Variants in CLSTN2 observed in about 807,000 individuals in gnomAD.
The protein encoded by CLSTN2 is calsyntenin-2.
Under a neutral mutation model 101.2 loss-of-function variants are expected in CLSTN2, and 48 were observed. The ratio of observed to expected loss-of-function variants is 0.47; its 90% confidence interval spans 0.38 to 0.60. CLSTN2 has a LOEUF of 0.60. CLSTN2 is among the 20% of genes least tolerant of loss of function. CLSTN2 has a pLI of 0.00. For missense variants in CLSTN2, 1,160 were observed against 1,238.2 expected (o/e 0.94, Z 0.95); for synonymous variants, 481 against 463.6 (o/e 1.04, Z -0.48).
At chr3:140,329,054 C>G (rs2087357491) in intron 2 of CLSTN2, among the ~76,000 whole-genome samples, 1 of 152,184 alleles carries the variant, frequency 6.6e-6, no homozygotes, top group Non-Finnish European at 1.5e-5. Flanking sequence ...CAGTTTTCCC[C>G]CATTCAGTTC....
chr3:140,162,474 G>C (rs1222058608), intron 1 of CLSTN2, among the ~76,000 whole-genome samples: 1 of 152,176 alleles, frequency 6.6e-6, no homozygotes, highest in South Asian at 2.1e-4. Flanking sequence ...GCCCCTGTCA[G>C]TGGTGCCTGA....
At chr3:140,517,883 T>A (rs1934950632) in intron 8 of CLSTN2, among the ~76,000 whole-genome samples, 1 of 152,050 alleles carries the variant, frequency 6.6e-6, no homozygotes, top group South Asian at 2.1e-4. Flanking sequence ...GCCATAGAGC[T>A]CCCAAGGGAT....
intron 2 of CLSTN2, among the ~76,000 whole-genome samples, chr3:140,326,724 CAA>C (rs1490763348): frequency 6.6e-6 from 1 of 152,070 alleles, no homozygotes; most frequent in Non-Finnish European, 1.5e-5. Flanking sequence ...ATGAAGGACC[CAA>C]GGAATAAAAG....
chr3:140,496,655 G>C (rs1934472687), intron 8 of CLSTN2, among the ~76,000 whole-genome samples: 1 of 152,160 alleles, frequency 6.6e-6, no homozygotes, highest in Non-Finnish European at 1.5e-5. Flanking sequence ...CTAGTTTATT[G>C]AGAGTTTTTA....
Position 140,425,070 on chromosome 3 carries a change from T to C in CLSTN2, c.787+3796T>C, listed in dbSNP as rs77350614. 6.1e-3 allele frequency among the ~76,000 whole-genome samples: 934 copies of C among 152,356 alleles called. 4 individuals are homozygous for C. The highest frequency in any genetic ancestry group is 9.2e-3 in the Non-Finnish European group (625 of 68,036). On this transcript the variant is annotated intron_variant, in intron 5 of 16. Transcript: ENST00000458420. ...CTGGAGTAACCAAGCAAATGCACTT[T>C]GGCAGTTTGAATTCTGGTACCTGTT...
chr3:140,458,846 G>T (rs1008960219), intron 6 of CLSTN2, among the ~76,000 whole-genome samples: 12 of 152,172 alleles, frequency 7.9e-5, no homozygotes, highest in Non-Finnish European at 1.2e-4. Flanking sequence ...CAACTTATTT[G>T]CTCATAGTCA....
chr3:139,959,136 G>T (rs1935458528), intron 1 of CLSTN2, among the ~76,000 whole-genome samples: 1 of 152,074 alleles, frequency 6.6e-6, no homozygotes, highest in South Asian at 2.1e-4. Flanking sequence ...TCTAGCTTCT[G>T]GCACACGTCT....
intron 1 of CLSTN2, among the ~76,000 whole-genome samples, chr3:140,051,372 TAAA>T (rs1489722985): frequency 6.6e-6 from 1 of 152,188 alleles, no homozygotes; most frequent in Admixed American, 6.5e-5. Flanking sequence ...TGGAGCCCAT[TAAA>T]ATCATTGCTG....
chr3:140,032,093 A>G (rs2007564389), intron 1 of CLSTN2, among the ~76,000 whole-genome samples: 1 of 152,190 alleles, frequency 6.6e-6, no homozygotes, highest in South Asian at 2.1e-4. Context: ...CCACAGACCA[A>G]AGGAAAGCGC....
chr3:140,284,267 A>G (rs769959549), intron 2 of CLSTN2, among the ~76,000 whole-genome samples: 8 of 152,072 alleles, frequency 5.3e-5, no homozygotes, highest in Non-Finnish European at 1.0e-4. Context: ...TACAAGAACA[A>G]ATTGGGTTTC....
chr3:140,422,017 A>T (rs1414315504), intron 5 of CLSTN2, among the ~76,000 whole-genome samples: 1 of 152,120 alleles, frequency 6.6e-6, no homozygotes, highest in Non-Finnish European at 1.5e-5. Flanking sequence ...TTATCTCTGC[A>T]CCATTATTTT....
chr3:140,382,136 T>C (rs1322315649), intron 2 of CLSTN2, among the ~76,000 whole-genome samples: 1 of 152,238 alleles, frequency 6.6e-6, no homozygotes, highest in East Asian at 1.9e-4. Context: ...ATTTTTTGCT[T>C]ACCCATTATA....
intron 8 of CLSTN2, among the ~76,000 whole-genome samples, chr3:140,522,702 A>G (rs1935056524): frequency 6.6e-6 from 1 of 152,174 alleles, no homozygotes; most frequent in Non-Finnish European, 1.5e-5. Context: ...TTGTCATACA[A>G]TCTCATCTAT....
At chr3:140,101,386 C>T (rs1483424088) in intron 1 of CLSTN2, among the ~76,000 whole-genome samples, 1 of 152,204 alleles carries the variant, frequency 6.6e-6, no homozygotes, top group Non-Finnish European at 1.5e-5. Context: ...TGTTTGTATG[C>T]ATCTCATAGG....
At chr3:140,345,824 A>G (rs1010007099) in intron 2 of CLSTN2, among the ~76,000 whole-genome samples, 2 of 152,118 alleles carry the variant, frequency 1.3e-5, no homozygotes, top group African/African-American at 4.8e-5. Context: ...GGGAACGTAT[A>G]TGTTTGCCGG....
intron 1 of CLSTN2, among the ~76,000 whole-genome samples, chr3:140,103,263 A>G (rs2008997740): frequency 6.6e-6 from 1 of 152,148 alleles, no homozygotes; most frequent in Admixed American, 6.5e-5. Flanking sequence ...CCAAGCCAGG[A>G]TTGCTAACTT....
intron 12 of CLSTN2, among the ~76,000 whole-genome samples, chr3:140,561,752 G>A (rs1033677071): frequency 6.6e-6 from 1 of 152,108 alleles, no homozygotes; most frequent in African/African-American, 2.4e-5. Flanking sequence ...GAGAGCTATT[G>A]CTTATTGAGC....
At chr3:140,165,369 T>A (rs2010118600) in intron 1 of CLSTN2, among the ~76,000 whole-genome samples, 1 of 152,178 alleles carries the variant, frequency 6.6e-6, no homozygotes, top group African/African-American at 2.4e-5. Context: ...TACCAGTGAC[T>A]CACTATATGC....
intron 2 of CLSTN2, among the ~76,000 whole-genome samples, chr3:140,244,789 A>G (rs932862707): frequency 3.3e-5 from 5 of 152,184 alleles, no homozygotes; most frequent in Non-Finnish European, 7.4e-5. Context: ...ATATCTTATT[A>G]AGTTTGTAGT....
Sources: gnomAD v4.1 joint callset for allele counts (sites outside exome capture counted in the v4.1 genomes callset) on GRCh38, gnomAD v4.1.1 for gene constraint, MANE v1.5 for transcripts, NCBI Gene and HGNC (gene_info 2026-07-23, HGNC 2026-07-21) for gene names.